RBM19: variants seen among roughly 807,000 people sequenced by gnomAD.
RBM19 encodes RNA binding motif protein 19, also known as probable RNA-binding protein 19.
A neutral mutation model predicts 116.8 loss-of-function variants in RBM19; 94 were observed. That is an observed-to-expected ratio of 0.80 (90% CI 0.68 to 0.95). The LOEUF is 0.95. Ranked by LOEUF, RBM19 falls within the 40% of genes least tolerant of loss-of-function variation. The pLI is 0.00. For synonymous variants in RBM19, 475 were observed against 494.1 expected, an observed-to-expected ratio of 0.96 and a Z score of 0.51; for missense variants, 1,161 against 1,220.7, an observed-to-expected ratio of 0.95 and a Z score of 0.73.
At chr12:113,893,042 T>TA (rs61660920) in intron 21 of RBM19, among the ~76,000 whole-genome samples, 6 of 151,292 alleles carry the variant, frequency 4.0e-5, no homozygotes, top group African/African-American at 1.5e-4. Context: ...TTTTTTTTTT[T>TA]AATAAGAGAG....
At chr12:113,925,909 T>C (rs1381834094) in intron 17 of RBM19, among the ~76,000 whole-genome samples, 5 of 152,236 alleles carry the variant, frequency 3.3e-5, no homozygotes, top group Non-Finnish European at 7.3e-5. Context: ...TATCTACCTT[T>C]TGGATGCTAC....
chr12:113,858,143 A>G (rs529522665), intron 22 of RBM19, among the ~76,000 whole-genome samples: 45 of 152,194 alleles, frequency 3.0e-4, no homozygotes, highest in Admixed American at 1.2e-3. Context: ...TCTGCCCCAC[A>G]TTGGAGGCTG....
chr12:113,847,173 G>A (rs528165609), intron 22 of RBM19, among the ~76,000 whole-genome samples: 11 of 152,176 alleles, frequency 7.2e-5, no homozygotes, highest in Non-Finnish European at 1.6e-4. Flanking sequence ...GAGCACAGAG[G>A]GCAGCACATA....
chr12:113,843,760 T>C (rs192876990), intron 23 of RBM19, among the ~76,000 whole-genome samples: 1 of 152,244 alleles, frequency 6.6e-6, no homozygotes, highest in East Asian at 1.9e-4. Flanking sequence ...GTGGAGCGAT[T>C]CTTGGGGCTG....
intron 16 of RBM19, among the ~76,000 whole-genome samples, chr12:113,936,362 G>A (rs908534852): frequency 1.1e-4 from 16 of 152,180 alleles, no homozygotes; most frequent in African/African-American, 3.9e-4. Flanking sequence ...TACACTGCCC[G>A]CTGTGGGCAT....
chr12:113,887,995 T>G (rs1388579106), intron 21 of RBM19, among the ~76,000 whole-genome samples: 1 of 152,160 alleles, frequency 6.6e-6, no homozygotes, highest in African/African-American at 2.4e-5. Context: ...GTGTTGAGAT[T>G]ACAGGTGTGA....
intron 23 of RBM19, among the ~76,000 whole-genome samples, chr12:113,836,117 C>T (rs1049405007): frequency 5.3e-5 from 8 of 152,180 alleles, no homozygotes; most frequent in African/African-American, 1.9e-4. Context: ...CTTGCTCTCT[C>T]TTTTCAAACT....
intron 21 of RBM19, among the ~76,000 whole-genome samples, chr12:113,875,307 C>A (rs1879587535): frequency 6.6e-6 from 1 of 152,176 alleles, no homozygotes; most frequent in East Asian, 1.9e-4. Context: ...TTTTAAGATG[C>A]AGGGAAGGGT....
intron 1 of RBM19, among the ~76,000 whole-genome samples, chr12:113,965,720 C>A (rs1311896834): frequency 6.6e-6 from 1 of 152,126 alleles, no homozygotes; most frequent in Non-Finnish European, 1.5e-5. Flanking sequence ...GCTGTAAAGC[C>A]CTTTACCCAC....
At chr12:113,959,720 C>A in intron 4 of RBM19, 145 bp downstream of exon 4, 1 of 1,033,994 alleles carries the variant, frequency 9.7e-7, no homozygotes, top group Non-Finnish European at 1.4e-6. Flanking sequence ...CCCTCTCCAG[C>A]CTCTTCCCTT....
At chr12:113,899,378 C>A (rs1055107292) in intron 21 of RBM19, among the ~76,000 whole-genome samples, 3 of 152,188 alleles carry the variant, frequency 2.0e-5, no homozygotes, top group African/African-American at 7.2e-5. Context: ...AGGTGCTTTA[C>A]CAGCCTCACT....
At chr12:113,945,804 G>A (rs1352345163) in intron 13 of RBM19, 24 bp downstream of exon 13, 1 of 1,515,894 alleles carries the variant, frequency 6.6e-7, no homozygotes, top group African/African-American at 1.4e-5. Flanking sequence ...AGATCCCAGA[G>A]AGGACTGGTC....
At chr12:113,895,985 T>A (rs1462286845) in intron 21 of RBM19, among the ~76,000 whole-genome samples, 1 of 151,948 alleles carries the variant, frequency 6.6e-6, no homozygotes, top group East Asian at 1.9e-4. Flanking sequence ...CACATATCTA[T>A]AGATATATAT....
At chr12:113,912,165 G>A (rs1446514543) in intron 21 of RBM19, among the ~76,000 whole-genome samples, 2 of 152,138 alleles carry the variant, frequency 1.3e-5, no homozygotes, top group African/African-American at 4.8e-5. Flanking sequence ...CTGCTGCCTC[G>A]GGCTAGGAGG....
At chr12:113,936,877 C>A in intron 16 of RBM19, 130 bp downstream of exon 16, 1 of 1,230,942 alleles carries the variant, frequency 8.1e-7, no homozygotes, top group Non-Finnish European at 1.1e-6. Flanking sequence ...GAGTCTGAGC[C>A]CTGCTGGTCT....
chr12:113,908,907 G>T (rs1455195594), intron 21 of RBM19, among the ~76,000 whole-genome samples: 1 of 152,232 alleles, frequency 6.6e-6, no homozygotes. Flanking sequence ...AGGCACCTGT[G>T]GACATGACAG....
At chr12:113,832,770 T>C (rs149936627) in intron 23 of RBM19, among the ~76,000 whole-genome samples, 1,777 of 152,314 alleles carry the variant, frequency 0.012, 37 homozygotes, top group African/African-American at 0.041. Flanking sequence ...AAAGGATATT[T>C]TGAATAACAA....
chr12:113,906,877 G>A (rs986701318), intron 21 of RBM19, among the ~76,000 whole-genome samples: 1 of 152,128 alleles, frequency 6.6e-6, no homozygotes, highest in African/African-American at 2.4e-5. Flanking sequence ...ATATGGATTA[G>A]TGTGGGTCCT....
In RBM19 at chr12:113,823,236, G is replaced by GAC. The variant is rs1874567968; in HGVS notation, c.2870_2871insGT (p.Leu958SerfsTer81). On this transcript the variant is annotated frameshift_variant, in exon 24 of 24. Coordinates refer to ENST00000261741, the MANE Select transcript of RBM19 (RefSeq NM_016196.4). LOFTEE classifies it high-confidence loss of function. ...TCTCGGTGCCAGCTCACAGCTGAAG[G>GAC]GTCTGCTCCTCGCTGTCGCTGTCAC... The GAC allele has an allele frequency of 6.2e-7, 1 of 1,610,852 alleles. No homozygotes were observed. Among genetic ancestry groups the GAC allele is most frequent in the Non-Finnish European group, 8.5e-7 (1 of 1,179,980 alleles).
Sources: allele counts gnomAD v4.1 joint callset (sites outside exome capture counted in the v4.1 genomes callset), GRCh38; gene constraint gnomAD v4.1.1; transcripts MANE v1.5; gene names NCBI Gene and HGNC (gene_info 2026-07-23, HGNC 2026-07-21).